Variants in LEPROT observed in about 807,000 individuals in gnomAD.
LEPROT encodes the protein leptin receptor gene-related protein.
LEPROT carries 3 observed loss-of-function variants against 15.4 expected under a neutral mutation model. The observed-to-expected ratio is 0.19, with a 90% CI of 0.09 to 0.50. LEPROT has a LOEUF of 0.50. LEPROT is among the 20% of genes least tolerant of loss of function. The probability of loss-of-function intolerance (pLI) is 0.97; values close to 1 mark genes in which losing one functional copy is unlikely to be tolerated. For synonymous variants in LEPROT, 59 were observed against 57.5 expected (o/e 1.03, Z -0.12); for missense variants, 137 against 162.2 (o/e 0.84, Z 0.84).
chr1:65,432,411 C>T lies in LEPROT; in HGVS notation c.*492C>T. On this transcript the variant is annotated 3_prime_UTR_variant, in exon 4 of 4. Coordinates refer to ENST00000371065, the MANE Select transcript of LEPROT (RefSeq NM_017526.5). The stretch of plus-strand genomic sequence containing the variant: ...GAAATGCAGAATCTGAAGCCCCACT[C>T]TGGACCCAGGACATTTTGATGAGAT... 5 of 826,734 alleles carry T rather than the reference C, an allele frequency of 6.0e-6. No homozygotes were observed. Among genetic ancestry groups the T allele is most frequent in the Non-Finnish European group, 7.3e-6 (5 of 684,850 alleles). The allele number at this position is 826,734 out of a possible 1,614,324, so 51.2% of individuals were successfully genotyped here. A position where few individuals can be genotyped will look rare whatever the true frequency, so the allele number is the denominator to read the frequency against.
At chr1:65,431,736 A>G in intron 3 of LEPROT, 67 bp from the exon 4 acceptor site, 1 of 1,496,462 alleles carries the variant, frequency 6.7e-7, no homozygotes, top group Non-Finnish European at 9.1e-7. Context: ...TGCAGAAAAT[A>G]ATAGGGATTG....
rs1044475510 is a variant in LEPROT, at chr1:65,433,885, A to G, written c.*1966A>G. On this transcript the variant is annotated 3_prime_UTR_variant, in exon 4 of 4. Coordinates refer to ENST00000371065, the MANE Select transcript of LEPROT (RefSeq NM_017526.5). The stretch of plus-strand genomic sequence containing the variant: ...ATGAGAGAATTTCTTGATGTTTTAA[A>G]ATGGGCAGTTTTGAGCAATAATCTG... 13 of 985,356 alleles carry G rather than the reference A, an allele frequency of 1.3e-5. No homozygotes were observed. The highest frequency in any genetic ancestry group is 1.3e-5 in the Non-Finnish European group (11 of 829,852). The allele number at this position is 985,356 out of a possible 1,614,324, so 61.0% of individuals were successfully genotyped here. A position where few individuals can be genotyped will look rare whatever the true frequency, so the allele number is the denominator to read the frequency against.
chr1:65,433,330 A>G lies in LEPROT; in HGVS notation c.*1411A>G, dbSNP rs943403506. 26 of 985,286 alleles carry G rather than the reference A, an allele frequency of 2.6e-5. No individual in the cohort carries two copies. The highest frequency in any genetic ancestry group is 6.1e-5 in the Admixed American group (1 of 16,262). 61.0% of individuals were successfully genotyped at this position (985,286 alleles called of 1,614,324 possible). ...CTTCCGTCCTGTAGGTCTTTTCTAT[A>G]TAACTTTATGCCACCCTTAAATGAA... On this transcript the variant is annotated 3_prime_UTR_variant, in exon 4 of 4. Transcript: ENST00000371065.
chr1:65,431,695 C>T, intron 3 of LEPROT, 108 bp from the exon 4 acceptor site: 1 of 1,162,028 alleles, frequency 8.6e-7, no homozygotes. Flanking sequence ...CTTTTAGCAG[C>T]TTTGTGTAAC....
intron 2 of LEPROT, among the ~76,000 whole-genome samples, chr1:65,425,988 G>C (rs771598285): frequency 6.6e-6 from 1 of 152,188 alleles, no homozygotes; most frequent in African/African-American, 2.4e-5. Context: ...CAAAGGTCCT[G>C]CTCTCTCAGA....
rs55655800 is a variant in LEPROT, at chr1:65,435,007, G to A, written c.*3088G>A. 4 of 985,342 alleles carry A rather than the reference G, an allele frequency of 4.1e-6. No individual in the cohort carries two copies. Among genetic ancestry groups the A allele is most frequent in the African/African-American group, 1.7e-5 (1 of 57,310 alleles). 61.0% of individuals were successfully genotyped at this position (985,342 alleles called of 1,614,324 possible). ...CCATTCCCATGACTGCTGCACCTGC[G>A]TTTTTAGAGAATGCCTCATAACCCA... On this transcript the variant is annotated 3_prime_UTR_variant, in exon 4 of 4. Coordinates refer to ENST00000371065, the MANE Select transcript of LEPROT (RefSeq NM_017526.5).
Position 65,435,098 on chromosome 1 carries a change from T to TA in LEPROT, c.*3180dup, listed in dbSNP as rs1250171674. 1 of 985,430 alleles carries TA rather than the reference T, an allele frequency of 1.0e-6. No individual in the cohort carries two copies. Among genetic ancestry groups the TA allele is most frequent in the Non-Finnish European group, 1.2e-6 (1 of 829,958 alleles). The allele number at this position is 985,430 out of a possible 1,614,324, so 61.0% of individuals were successfully genotyped here. ...AAGATTCCAGCAGCTTATAGAAGGA[T>TA]AGCAATATTTTGGGACAGGGAAAAT... On this transcript the variant is annotated 3_prime_UTR_variant, in exon 4 of 4. Coordinates refer to ENST00000371065, the MANE Select transcript of LEPROT (RefSeq NM_017526.5).
At chr1:65,429,270 G>A (rs1207005284) in intron 2 of LEPROT, among the ~76,000 whole-genome samples, 2 of 152,088 alleles carry the variant, frequency 1.3e-5, no homozygotes, top group South Asian at 2.1e-4. Flanking sequence ...GCAAGCAGGG[G>A]GCACAGCTAG....
chr1:65,424,049 CAA>C (rs964097446), intron 1 of LEPROT, among the ~76,000 whole-genome samples: 1 of 152,172 alleles, frequency 6.6e-6, no homozygotes, highest in African/African-American at 2.4e-5. Flanking sequence ...AGCTTCTACC[CAA>C]AGTCATAAGA....
At position 65,429,994 on chromosome 1, in the gene LEPROT, T is replaced by A; in HGVS notation, c.225T>A (p.Thr75=). The change falls in exon 3 of 4, where the codon ACT becomes ACA. Residue 75 remains threonine, a synonymous_variant. Transcript: ENST00000371065. Reference sequence around the variant, plus strand: ...GGGAACTGGCATATTTCTTCACTACTGGAATTGTTGTTTCTGCCTTTGGAT... The same window carrying A: ...GGGAACTGGCATATTTCTTCACTACAGGAATTGTTGTTTCTGCCTTTGGAT... ...ACRELAYFFT[T]GIVVSAFGFP... 1 of 1,574,164 alleles carries A rather than the reference T, an allele frequency of 6.4e-7. No individual in the cohort carries two copies. Among genetic ancestry groups the A allele is most frequent in the East Asian group, 2.3e-5 (1 of 43,914 alleles).
intron 3 of LEPROT, among the ~76,000 whole-genome samples, chr1:65,431,445 TA>T (rs1646483108): frequency 6.6e-6 from 1 of 152,276 alleles, no homozygotes; most frequent in Non-Finnish European, 1.5e-5. Context: ...CTACAATTTT[TA>T]TTTTCCATGA....
Position 65,434,335 on chromosome 1 carries a change from T to C in LEPROT, c.*2416T>C. The C allele has an allele frequency of 1.0e-6, 1 of 985,136 alleles. No individual in the cohort carries two copies. The highest frequency in any genetic ancestry group is 1.2e-6 in the Non-Finnish European group (1 of 829,654). The allele number at this position is 985,136 out of a possible 1,614,324, so 61.0% of individuals were successfully genotyped here. A position where few individuals can be genotyped will look rare whatever the true frequency, so the allele number is the denominator to read the frequency against. ...TATAAAAGGCTCTTTTTTTATATAT[T>C]GTACAATATATTTGGAGATTCAGAG... On this transcript the variant is annotated 3_prime_UTR_variant, in exon 4 of 4. Coordinates refer to ENST00000371065, the MANE Select transcript of LEPROT (RefSeq NM_017526.5).
At chr1:65,423,658 C>T (rs1005693293) in intron 1 of LEPROT, among the ~76,000 whole-genome samples, 3 of 151,964 alleles carry the variant, frequency 2.0e-5, no homozygotes, top group Admixed American at 6.5e-5. Flanking sequence ...TTCTTTGTCC[C>T]TTAACATGTG....
intron 2 of LEPROT, 128 bp from the exon 3 acceptor site, chr1:65,429,734 A>C: frequency 1.3e-6 from 1 of 775,156 alleles, no homozygotes; most frequent in Non-Finnish European, 1.9e-6. Context: ...ATGTTCTAAT[A>C]TTCACAATTA....
At position 65,433,385 on chromosome 1, in the gene LEPROT, T is replaced by C; in HGVS notation, c.*1466T>C. 1 of 985,446 alleles carries C rather than the reference T, an allele frequency of 1.0e-6. No individual in the cohort carries two copies. The highest frequency in any genetic ancestry group is 1.2e-6 in the Non-Finnish European group (1 of 829,940). 61.0% of individuals were successfully genotyped at this position (985,446 alleles called of 1,614,324 possible). On this transcript the variant is annotated 3_prime_UTR_variant, in exon 4 of 4. Transcript: ENST00000371065. ...TGGGTATACCTGTCATGTTGGATCC[T>C]GTAATCACAGTTTTCCCTGCTCACC...
chr1:65,427,150 T>C (rs981221092), intron 2 of LEPROT, among the ~76,000 whole-genome samples: 1 of 152,220 alleles, frequency 6.6e-6, no homozygotes, highest in African/African-American at 2.4e-5. Context: ...CGGTCACTTA[T>C]ATTTGTTTAG....
Position 65,433,913 on chromosome 1 carries a change from C to T in LEPROT, c.*1994C>T, listed in dbSNP as rs965151701. The T allele has an allele frequency of 9.1e-6, 9 of 984,904 alleles. No individual in the cohort carries two copies. In the Admixed American group the frequency reaches 5.5e-4, roughly 61 times the overall value. 61.0% of individuals were successfully genotyped at this position (984,904 alleles called of 1,614,324 possible). On this transcript the variant is annotated 3_prime_UTR_variant, in exon 4 of 4. Transcript: ENST00000371065. ...GGGCAGTTTTGAGCAATAATCTGTC[C>T]TAACAGAACAGTAGCAATAAGTTTT...
At position 65,436,007 on chromosome 1, in the gene LEPROT, A is replaced by G; in HGVS notation, c.*4088A>G. On this transcript the variant is annotated 3_prime_UTR_variant, in exon 4 of 4. Transcript: ENST00000371065. ...AATAAAACTTGTTATTGACATTTTA[A>G]CAAAGGCTTTTATGTACATTATTAA... is the stretch of plus-strand genomic sequence containing the variant. The G allele has an allele frequency of 5.1e-6, 5 of 984,106 alleles. No individual in the cohort carries two copies. The highest frequency in any genetic ancestry group is 6.0e-6 in the Non-Finnish European group (5 of 828,690). The allele number at this position is 984,106 out of a possible 1,614,324, so 61.0% of individuals were successfully genotyped here.
At chr1:65,431,752 A>T in intron 3 of LEPROT, 51 bp from the exon 4 acceptor site, 1 of 1,565,518 alleles carries the variant, frequency 6.4e-7, no homozygotes, top group Non-Finnish European at 8.7e-7. Flanking sequence ...GATTGCAAAG[A>T]GTACAATATG....
Sources: allele counts gnomAD v4.1 joint callset (sites outside exome capture counted in the v4.1 genomes callset), GRCh38; gene constraint gnomAD v4.1.1; transcripts MANE v1.5; gene names NCBI Gene and HGNC (gene_info 2026-07-23, HGNC 2026-07-21).